Variants in BFSP1 observed in about 807,000 individuals in gnomAD.
BFSP1 encodes beaded filament structural protein 1.
A neutral mutation model predicts 43.9 loss-of-function variants in BFSP1; 38 were observed. The observed-to-expected ratio is 0.87, with a 90% confidence interval of 0.67 to 1.14. The LOEUF (loss-of-function observed/expected upper bound fraction) is 1.14. BFSP1 is among the 50% of genes most tolerant of loss of function. The pLI is 0.00. For missense variants in BFSP1, 850 were observed against 875.1 expected, an observed-to-expected ratio of 0.97 and a Z score of 0.36; for synonymous variants, 352 against 354.8, an observed-to-expected ratio of 0.99 and a Z score of 0.09.
chr20:17,497,143 A>G (rs191515502), intron 6 of BFSP1, 120 bp from the exon 7 acceptor site: 21 of 673,498 alleles, frequency 3.1e-5, no homozygotes, highest in Admixed American at 2.2e-4. Flanking sequence ...CACGAATTAG[A>G]TATCATTTTA....
At chr20:17,511,937 C>A (rs774715331) in intron 4 of BFSP1, 39 bp downstream of exon 4, 14 of 1,538,914 alleles carry the variant, frequency 9.1e-6, no homozygotes, top group Non-Finnish European at 1.2e-5. Context: ...TACAGCTTCC[C>A]TCCAGGGCTG....
chr20:17,561,915 C>CT (rs898530572), upstream of BFSP1, among the ~76,000 whole-genome samples: 3 of 151,800 alleles, frequency 2.0e-5, no homozygotes, highest in African/African-American at 7.3e-5. Flanking sequence ...AGGTTTTATA[C>CT]TTTTTTTTAA....
intron 5 of BFSP1, among the ~76,000 whole-genome samples, chr20:17,503,438 G>A (rs769874205): frequency 5.9e-5 from 9 of 152,194 alleles, no homozygotes; most frequent in Non-Finnish European, 1.0e-4. Context: ...TGGGGTGGCC[G>A]TTCCTTTTGG....
chr20:17,547,204 A>AAAAT (rs954531774), intron 1 of BFSP1, among the ~76,000 whole-genome samples: 2 of 151,798 alleles, frequency 1.3e-5, no homozygotes, highest in Non-Finnish European at 1.5e-5. Context: ...AAAAAATAGT[A>AAAAT]AAATAAATAA....
upstream of BFSP1, chr20:17,560,283 A>T (rs1282519203): frequency 6.6e-6 from 1 of 152,202 alleles, no homozygotes; most frequent in Non-Finnish European, 1.5e-5. Context: ...ACTTTGAATA[A>T]ACCCTCCAGC....
chr20:17,539,111 T>C (rs1055763861), intron 1 of BFSP1, among the ~76,000 whole-genome samples: 1 of 137,218 alleles, frequency 7.3e-6, no homozygotes, highest in Non-Finnish European at 1.6e-5. Context: ...TCTTCTTTTT[T>C]TTTTTTTTTT....
rs1005864305 is a variant in BFSP1, at chr20:17,531,177, C to T, written c.153G>A (p.Val51=). The change falls in exon 1 of 8, where the codon GTG becomes GTA. Residue 51 remains valine, a synonymous_variant. Coordinates refer to ENST00000377873, the MANE Select transcript of BFSP1 (RefSeq NM_001195.5). ...LAALQGLGER[V]AAHVQRARAL... Reference sequence around the variant, plus strand: ...CGCGGGCCCGCTGGACGTGGGCGGCCACGCGCTCGCCGAGCCCCTGCAGCG... The same window carrying T: ...CGCGGGCCCGCTGGACGTGGGCGGCTACGCGCTCGCCGAGCCCCTGCAGCG... 7.7e-7 allele frequency: 1 copy of T among 1,290,618 alleles called. No individual in the cohort carries two copies. Among genetic ancestry groups the T allele is most frequent in the Non-Finnish European group, 9.8e-7 (1 of 1,021,634 alleles). The allele number at this position is 1,290,618 out of a possible 1,614,324, so 79.9% of individuals were successfully genotyped here.
chr20:17,559,896 T>A (rs1017382657), upstream of BFSP1, among the ~76,000 whole-genome samples: 8 of 152,190 alleles, frequency 5.3e-5, no homozygotes, highest in Admixed American at 5.2e-4. Flanking sequence ...GGACCTCTTA[T>A]CTAGAGTCAA....
At chr20:17,495,926 C>T (rs1030294270) in intron 7 of BFSP1, among the ~76,000 whole-genome samples, 7 of 152,128 alleles carry the variant, frequency 4.6e-5, no homozygotes, top group African/African-American at 1.7e-4. Flanking sequence ...GAGCCGGCAA[C>T]AGCAGACATG....
In BFSP1 at chr20:17,507,272, G is replaced by GGTAGGT. The variant is rs2033960067; in HGVS notation, c.735+1616_735+1617insACCTAC. On this transcript the variant is annotated intron_variant, in intron 5 of 7. Transcript: ENST00000377873. This position sits in a 1 kb window ranked among gnomAD's most constrained non-coding sequence, Gnocchi z 4.4. ...GCGAGCCATACACATCAGATAGGTA[G>GGTAGGT]GTGTGTGTGTGTGTGTGTGTGTGTG... 7.1e-6 allele frequency among the ~76,000 whole-genome samples: 1 copy of GGTAGGT among 141,226 alleles called. No individual in the cohort carries two copies. The highest frequency in any genetic ancestry group is 1.5e-5 in the Non-Finnish European group (1 of 64,910). 92.6% of individuals were successfully genotyped at this position (141,226 alleles called of 152,430 possible).
At chr20:17,509,521 A>G (rs2034024660) in intron 4 of BFSP1, among the ~76,000 whole-genome samples, 1 of 152,196 alleles carries the variant, frequency 6.6e-6, no homozygotes, top group Non-Finnish European at 1.5e-5. Context: ...GGAGTGTGAC[A>G]TGCCGGGACC....
At chr20:17,498,311 T>C (rs1375508630) in intron 6 of BFSP1, among the ~76,000 whole-genome samples, 1 of 152,102 alleles carries the variant, frequency 6.6e-6, no homozygotes, top group East Asian at 1.9e-4. Context: ...ACAGCTCCAT[T>C]ATGGAGAAGA....
At chr20:17,500,682 C>T (rs191768686) in intron 5 of BFSP1, among the ~76,000 whole-genome samples, 4 of 152,216 alleles carry the variant, frequency 2.6e-5, no homozygotes, top group East Asian at 1.9e-4. Context: ...AAGACAGTGA[C>T]GCCGCATTAC....
Position 17,530,941 on chromosome 20 carries a change from G to A in BFSP1, c.377+12C>T. 1 of 1,411,332 alleles carries A rather than the reference G, an allele frequency of 7.1e-7. No individual in the cohort carries two copies. Among genetic ancestry groups the A allele is most frequent in the South Asian group, 1.5e-5 (1 of 67,242 alleles). The allele number at this position is 1,411,332 out of a possible 1,614,324, so 87.4% of individuals were successfully genotyped here. A position where few individuals can be genotyped will look rare whatever the true frequency, so the allele number is the denominator to read the frequency against. ...CGCCCTGCCTCGGTTTCCCCCGATG[G>A]CCGCCGCTTACTTGCTTCGGAACTC... On this transcript the variant is annotated intron_variant, in intron 1 of 7. Coordinates refer to ENST00000377873, the MANE Select transcript of BFSP1 (RefSeq NM_001195.5).
upstream of BFSP1, among the ~76,000 whole-genome samples, chr20:17,561,494 G>A (rs1398665226): frequency 1.3e-5 from 2 of 149,260 alleles, no homozygotes; most frequent in African/African-American, 5.0e-5. Flanking sequence ...GCGAAACTCC[G>A]CCTCAAAGAA....
At chr20:17,558,756 G>A in exon 1 of BFSP1, 1 of 1,547,614 alleles carries the variant, frequency 6.5e-7, no homozygotes, top group Non-Finnish European at 8.7e-7. Context: ...TCCAAGGTGT[G>A]CTGCCTGCTG....
chr20:17,508,818 TGTGCCTGCGC>T, intron 5 of BFSP1, 61 bp downstream of exon 5: 1 of 1,347,790 alleles, frequency 7.4e-7, no homozygotes, highest in Non-Finnish European at 9.9e-7. Flanking sequence ...GCTGCATGCG[TGTGCCTGCGC>T]GTAACACCTC....
intron 2 of BFSP1, among the ~76,000 whole-genome samples, chr20:17,519,440 A>T (rs1040355289): frequency 1.3e-5 from 2 of 152,204 alleles, no homozygotes; most frequent in Non-Finnish European, 2.9e-5. Context: ...ATGCACCTTG[A>T]AGTCCAGAGC....
chr20:17,547,312 C>A (rs2034820064), intron 1 of BFSP1, among the ~76,000 whole-genome samples: 1 of 152,004 alleles, frequency 6.6e-6, no homozygotes, highest in Non-Finnish European at 1.5e-5. Flanking sequence ...GAGACAGGGC[C>A]AAAGATCTCA....
Sources: allele counts gnomAD v4.1 joint callset (sites outside exome capture counted in the v4.1 genomes callset), GRCh38; gene constraint gnomAD v4.1.1; non-coding constraint Gnocchi (gnomAD v3.1); transcripts MANE v1.5; gene names NCBI Gene and HGNC (gene_info 2026-07-23, HGNC 2026-07-21).